HTT: variants seen among roughly 807,000 people sequenced by gnomAD.
HTT encodes huntingtin, also known as huntington disease protein.
In HTT, 104 loss-of-function variants were observed where a neutral mutation model predicts 362.3. That is an observed-to-expected ratio of 0.29 (90% CI 0.24 to 0.34). The LOEUF (loss-of-function observed/expected upper bound fraction) is 0.34. Ranked by LOEUF, HTT falls within the 10% of genes least tolerant of loss-of-function variation. HTT has a pLI of 1.00. For missense variants in HTT, 3,301 were observed against 3,928.6 expected (o/e 0.84, Z 4.27); for synonymous variants, 1,577 against 1,548.7 (o/e 1.02, Z -0.43).
chr4:3,177,216 T>G (rs1718281735), intron 33 of HTT, 116 bp from the exon 34 acceptor site: 1 of 722,476 alleles, frequency 1.4e-6, no homozygotes, highest in Non-Finnish European at 2.4e-6. Flanking sequence ...ATAGTCAAAT[T>G]TATCAGCTGT....
At chr4:3,172,028 G>C (rs543213646) in intron 29 of HTT, among the ~76,000 whole-genome samples, 1 of 152,236 alleles carries the variant, frequency 6.6e-6, no homozygotes, top group South Asian at 2.1e-4. Flanking sequence ...CCTGCCCTGC[G>C]AACAGGACTG....
chr4:3,188,840 C>T, intron 39 of HTT, 111 bp from the exon 40 acceptor site: 3 of 1,062,406 alleles, frequency 2.8e-6, no homozygotes, highest in Non-Finnish European at 4.1e-6. Flanking sequence ...GGTTAATGTA[C>T]TCTACCTATA....
At chr4:3,104,013 C>T in intron 4 of HTT, 130 bp downstream of exon 4, 1 of 588,176 alleles carries the variant, frequency 1.7e-6, no homozygotes, top group South Asian at 2.3e-5. Flanking sequence ...GTATACAATA[C>T]ATAATAATCA....
chr4:3,238,299 A>G (rs1721638516), intron 64 of HTT, 148 bp from the exon 65 acceptor site: 1 of 571,534 alleles, frequency 1.7e-6, no homozygotes, highest in South Asian at 2.8e-5. Context: ...GACTTTCCCC[A>G]CTTGGAAAGT....
rs578210482 is a variant in HTT at position 3,158,283 on chromosome 4, A to G, written c.3753+1084A>G. Among the ~76,000 whole-genome samples, 4 of 152,314 alleles carry G rather than the reference A, an allele frequency of 2.6e-5. No homozygotes were observed. The East Asian group carries it at 5.8e-4, about 22-fold the overall frequency. ...CAGGTGTGAGCAACTGCACCCGGCT[A>G]CAAGTATACTTCTTAATTATTGTAG... On this transcript the variant is annotated intron_variant, in intron 28 of 66. Transcript: ENST00000355072.
intron 6 of HTT, among the ~76,000 whole-genome samples, chr4:3,112,353 C>A (rs368001531): frequency 4.2e-4 from 64 of 152,252 alleles, no homozygotes; most frequent in African/African-American, 1.3e-3. Context: ...GTGAACTTAA[C>A]CCTTGTAACC....
At chr4:3,239,507 C>G (rs964748257) in intron 66 of HTT, among the ~76,000 whole-genome samples, 1 of 152,252 alleles carries the variant, frequency 6.6e-6, no homozygotes, top group Non-Finnish European at 1.5e-5. Flanking sequence ...ACAGCCTTGC[C>G]CGGCGTGCCT....
intron 1 of HTT, among the ~76,000 whole-genome samples, chr4:3,078,067 A>G (rs1712658910): frequency 6.6e-6 from 1 of 152,206 alleles, no homozygotes; most frequent in Non-Finnish European, 1.5e-5. Context: ...TGCTCTGCTC[A>G]GCATACAGGA....
At chr4:3,088,311 C>T (rs551120818) in intron 2 of HTT, among the ~76,000 whole-genome samples, 5 of 151,758 alleles carry the variant, frequency 3.3e-5, no homozygotes, top group Non-Finnish European at 5.9e-5. Context: ...TTCAGCCTGG[C>T]GAGTAGCTGG....
chr4:3,173,353 C>T (rs1718081144), intron 31 of HTT: 5 of 551,686 alleles, frequency 9.1e-6, no homozygotes, highest in East Asian at 6.3e-5. Flanking sequence ...GGGCTTGGGA[C>T]TTACACATCT....
chr4:3,106,311 G>A (rs757539588), intron 5 of HTT, among the ~76,000 whole-genome samples: 7 of 152,100 alleles, frequency 4.6e-5, no homozygotes, highest in Non-Finnish European at 7.4e-5. Flanking sequence ...AGCCAAGATC[G>A]CACCACTGCA....
At chr4:3,113,233 ATTCT>A (rs1714852330) in intron 6 of HTT, among the ~76,000 whole-genome samples, 1 of 152,110 alleles carries the variant, frequency 6.6e-6, no homozygotes, top group South Asian at 2.1e-4. Flanking sequence ...ACTAAATTTT[ATTCT>A]TTATTATTCC....
intron 2 of HTT, 143 bp from the exon 3 acceptor site, chr4:3,099,131 G>C (rs1249508773): frequency 1.2e-5 from 7 of 589,556 alleles, no homozygotes; most frequent in Non-Finnish European, 2.1e-5. Flanking sequence ...CTTAAGTCCA[G>C]ACTTTATTCA....
At chr4:3,225,768 G>A in intron 57 of HTT, 25 bp downstream of exon 57, 1 of 1,589,784 alleles carries the variant, frequency 6.3e-7, no homozygotes, top group Non-Finnish European at 8.6e-7. Flanking sequence ...CCCGCCGCCT[G>A]GCCTCTGTCC....
At chr4:3,114,066 T>C (rs1404957336) in intron 6 of HTT, among the ~76,000 whole-genome samples, 1 of 152,180 alleles carries the variant, frequency 6.6e-6, no homozygotes, top group East Asian at 1.9e-4. Context: ...AACCAGTCAT[T>C]AGCATTGTTT....
At chr4:3,185,104 G>T (rs547698473) in intron 37 of HTT, among the ~76,000 whole-genome samples, 46 of 152,164 alleles carry the variant, frequency 3.0e-4, no homozygotes, top group Non-Finnish European at 5.7e-4. Flanking sequence ...GAGAGACTTG[G>T]GAAAAGGTTT....
At chr4:3,195,915 TTC>T (rs1276256582) in intron 40 of HTT, among the ~76,000 whole-genome samples, 2 of 152,152 alleles carry the variant, frequency 1.3e-5, no homozygotes, top group Non-Finnish European at 2.9e-5. Flanking sequence ...TTTGCTGGTG[TTC>T]TCTCGTGGTG....
At chr4:3,208,659 A>T in intron 45 of HTT, 114 bp from the exon 46 acceptor site, 1 of 966,484 alleles carries the variant, frequency 1.0e-6, no homozygotes, top group Non-Finnish European at 1.5e-6. Context: ...AGCCACTAAT[A>T]GTGCATCTCC....
In HTT at chr4:3,131,712, C is replaced by T. The variant is rs757889224; in HGVS notation, c.2173C>T (p.Leu725Phe). The change falls in exon 16 of 67, where the codon CTC becomes TTC. Residue 725 changes from leucine (L) to phenylalanine (F), a missense_variant. Leu to Phe is a conservative substitution (Grantham distance 22). Around this residue, in one of 4 missense-constraint regions of HTT, gnomAD observed 2,316 missense variants for 2,658.5 expected, o/e 0.87. Coordinates refer to ENST00000355072, the MANE Select transcript of HTT (RefSeq NM_001388492.1). ...CAGCTGTGTGGGAGCAGCTGTGGCC[C>T]TCCACCCGGAATCTTTCTTCAGCAA... ...ALSCVGAAVALHPESFFSKLY... is the reference protein window; with the variant it reads ...ALSCVGAAVAFHPESFFSKLY... 2.5e-6 allele frequency: 4 copies of T among 1,614,058 alleles called. No individual in the cohort carries two copies. The highest frequency in any genetic ancestry group is 3.4e-6 in the Non-Finnish European group (4 of 1,179,944).
Sources: allele counts gnomAD v4.1 joint callset (sites outside exome capture counted in the v4.1 genomes callset), GRCh38; gene constraint gnomAD v4.1.1; regional missense constraint gnomAD v4.1.1; transcripts MANE v1.5; gene names NCBI Gene and HGNC (gene_info 2026-07-23, HGNC 2026-07-21).